CMYA5: variants seen among roughly 807,000 people sequenced by gnomAD.
The protein encoded by CMYA5 is cardiomyopathy associated 5, also known as cardiomyopathy-associated protein 5.
CMYA5 carries 246 observed loss-of-function variants against 318.9 expected under a neutral mutation model. That is an observed-to-expected ratio of 0.77 (90% CI 0.70 to 0.86). The LOEUF (loss-of-function observed/expected upper bound fraction) is 0.86, where lower values mean the gene tolerates loss of function less well. Ranked by LOEUF, CMYA5 falls within the 40% of genes least tolerant of loss-of-function variation. The pLI is 0.00. For synonymous variants in CMYA5, 1,641 were observed against 1,729.5 expected (o/e 0.95, Z 1.27); for missense variants, 4,589 against 4,678.2 (o/e 0.98, Z 0.56).
chr5:79,785,054 C>G (rs964640415), intron 9 of CMYA5, among the ~76,000 whole-genome samples: 147 of 151,284 alleles, frequency 9.7e-4, no homozygotes, highest in Admixed American at 2.0e-3. Context: ...TCTAGCTGTC[C>G]CATCAGGAAA....
intron 9 of CMYA5, among the ~76,000 whole-genome samples, chr5:79,765,820 G>A (rs1441692312): frequency 3.3e-5 from 5 of 152,162 alleles, no homozygotes; most frequent in African/African-American, 1.2e-4. Context: ...GAATGCTTGT[G>A]ATTTTTGCAC....
In CMYA5 at chr5:79,734,037, CCAGCCGACTTTAAAAAGGGAGGAAAT is replaced by C. The variant is rs1173944696; in HGVS notation, c.5275_5300del (p.Ala1759ArgfsTer22). The stretch of plus-strand genomic sequence containing the variant: ...AGGATTATCAGAGGAGGTTAGCCAT[CCAGCCGACTTTAAAAAGGGAGGAAAT>C]CAAGAAATAGGCCCATTACCACCAA... On this transcript the variant is annotated frameshift_variant, in exon 2 of 13. Transcript: ENST00000446378. LOFTEE classifies it high-confidence loss of function. The C allele has an allele frequency of 6.2e-7, 1 of 1,613,652 alleles. No individual in the cohort carries two copies. The highest frequency in any genetic ancestry group is 8.5e-7 in the Non-Finnish European group (1 of 1,179,846).
chr5:79,759,823 G>GA (rs373613025), intron 7 of CMYA5, among the ~76,000 whole-genome samples: 12 of 152,252 alleles, frequency 7.9e-5, no homozygotes, highest in African/African-American at 2.9e-4. Context: ...AATTAATTTA[G>GA]AAAAAAGTTT....
chr5:79,707,180 C>T (rs188641043), intron 1 of CMYA5, among the ~76,000 whole-genome samples: 53 of 152,284 alleles, frequency 3.5e-4, no homozygotes, highest in African/African-American at 1.2e-3. Flanking sequence ...TAAAGCCCCA[C>T]TGCAAGAATT....
In CMYA5 at chr5:79,739,603, C is replaced by A. The variant is rs565665506; in HGVS notation, c.10638+200C>A. Among the ~76,000 whole-genome samples, 157 of 152,202 alleles carry A rather than the reference C, an allele frequency of 1.0e-3. 1 individual carries two copies. The highest frequency in any genetic ancestry group is 3.7e-3 in the African/African-American group (153 of 41,536). Reference sequence around the variant, plus strand: ...ACATTCATTGAGTACAGCCCACCCTCCTTATCCTTGAGTTCTGCATGCTTA... The same window carrying A: ...ACATTCATTGAGTACAGCCCACCCTACTTATCCTTGAGTTCTGCATGCTTA... On this transcript the variant is annotated intron_variant, in intron 2 of 12. Coordinates refer to ENST00000446378, the MANE Select transcript of CMYA5 (RefSeq NM_153610.5).
intron 1 of CMYA5, among the ~76,000 whole-genome samples, chr5:79,695,426 A>C (rs1320170977): frequency 6.6e-6 from 1 of 152,266 alleles, no homozygotes; most frequent in Non-Finnish European, 1.5e-5. Flanking sequence ...TATTAGAGAT[A>C]TCTTACATTA....
rs150027467 is a variant in CMYA5, at chr5:79,737,392, C to A, written c.8627C>A (p.Ala2876Glu). ...GTTTCAAAGCACCACTTGGAGGCTG[C>A]GGAAGATACCCGTGTAAAGGAACCA... ...VLVSKHHLEA[A>E]EDTRVKEPLS... The change falls in exon 2 of 13, where the codon GCG becomes GAG. Residue 2876 changes from alanine to glutamate, a missense_variant. Around this residue, in one of 3 missense-constraint regions of CMYA5, gnomAD observed 2,431 missense variants for 2,495.1 expected, o/e 0.97. Transcript: ENST00000446378. 4.3e-6 allele frequency: 7 copies of A among 1,613,692 alleles called. No homozygotes were observed. The Admixed American group carries it at 8.3e-5, about 19-fold the overall frequency.
chr5:79,718,496 A>C (rs1561200612), intron 1 of CMYA5, among the ~76,000 whole-genome samples: 3 of 152,180 alleles, frequency 2.0e-5, no homozygotes, highest in Non-Finnish European at 4.4e-5. Context: ...TTCATGAGAA[A>C]GATATCCGAC....
At position 79,731,215 on chromosome 5, in the gene CMYA5, A is replaced by T; in HGVS notation, c.2450A>T (p.Asn817Ile). ...CAGGAATCTCAAAAGAAAATAATCA[A>T]TGAGGCATCCCAATTCAAACCAAAA... is the stretch of plus-strand genomic sequence containing the variant. ...ATQESQKKII[N>I]EASQFKPKGI... The change falls in exon 2 of 13, where the codon AAT becomes ATT. Residue 817 changes from asparagine (N) to isoleucine (I), a missense_variant. Physicochemically the swap from Asn to Ile is moderately radical, Grantham distance 149 (BLOSUM62 -3). Transcript: ENST00000446378. 1 of 1,614,022 alleles carries T rather than the reference A, an allele frequency of 6.2e-7. No homozygotes were observed. The highest frequency in any genetic ancestry group is 8.5e-7 in the Non-Finnish European group (1 of 1,179,886).
intron 5 of CMYA5, among the ~76,000 whole-genome samples, chr5:79,747,766 G>A (rs953080935): frequency 2.0e-5 from 3 of 152,068 alleles, no homozygotes; most frequent in Non-Finnish European, 2.9e-5. Context: ...GATCTGACAC[G>A]TTCTTCCTTT....
In CMYA5 at chr5:79,737,763, T is replaced by C. The variant is rs748452754; in HGVS notation, c.8998T>C (p.Cys3000Arg). The C allele has an allele frequency of 1.9e-6, 3 of 1,611,326 alleles. No homozygotes were observed. The highest frequency in any genetic ancestry group is 2.5e-6 in the Non-Finnish European group (3 of 1,179,306). Residue 3000 changes from cysteine (C) to arginine (R), a missense_variant, in exon 2 of 13, where the codon TGT becomes CGT. Cys to Arg is a radical substitution (Grantham distance 180). Coordinates refer to ENST00000446378, the MANE Select transcript of CMYA5 (RefSeq NM_153610.5). The stretch of plus-strand genomic sequence containing the variant: ...CCCTGATGATAGTGAAACAGTTGCT[T>C]GTCATAAAACATTAAAGAGCAGGTT... Reference protein sequence around the residue: ...PLPDDSETVACHKTLKSRLED... With the variant: ...PLPDDSETVARHKTLKSRLED...
At position 79,791,036 on chromosome 5, in the gene CMYA5, T is replaced by C. The variant is rs1229518064; in HGVS notation, c.11756T>C (p.Val3919Ala). ...CTACACATTTCCTCAAGTGGGACAG[T>C]GATCAGCTTTGGTGAGAGGAGACGG... ...PALHISSSGT[V>A]ISFGERRRLT... Residue 3919 changes from valine to alanine, a missense_variant, in exon 11 of 13, where the codon GTG becomes GCG. Around this residue, in one of 3 missense-constraint regions of CMYA5, gnomAD observed 2,431 missense variants for 2,495.1 expected, o/e 0.97. Coordinates refer to ENST00000446378, the MANE Select transcript of CMYA5 (RefSeq NM_153610.5). 6.2e-7 allele frequency: 1 copy of C among 1,613,664 alleles called. No individual in the cohort carries two copies. The highest frequency in any genetic ancestry group is 1.3e-5 in the African/African-American group (1 of 74,916).
intron 7 of CMYA5, 22 bp downstream of exon 7, chr5:79,758,924 C>G: frequency 6.5e-7 from 1 of 1,539,680 alleles, no homozygotes; most frequent in East Asian, 2.4e-5. Context: ...AACACAAATA[C>G]AAATGCATAT....
chr5:79,751,802 AG>A (rs59574205), intron 5 of CMYA5, among the ~76,000 whole-genome samples: 9,735 of 152,272 alleles, frequency 0.064, 470 homozygotes, highest in East Asian at 0.28. Flanking sequence ...AACAAAGCCT[AG>A]TGAAGAATGG....
In CMYA5 at chr5:79,737,448, T is replaced by TACA; in HGVS notation, c.8683_8684insACA (p.Phe2895delinsTyrIle). The TACA allele has an allele frequency of 1.2e-6, 2 of 1,613,854 alleles. No homozygotes were observed. The highest frequency in any genetic ancestry group is 8.5e-7 in the Non-Finnish European group (1 of 1,179,816). On this transcript the variant is annotated protein_altering_variant, in exon 2 of 13. Transcript: ENST00000446378. Reference sequence around the variant, plus strand: ...TTCAGCAAAAAGCAACTATGCTCAATTTATATCTAATACATCAGCAAGCAA... The same window carrying TACA: ...TTCAGCAAAAAGCAACTATGCTCAATACATTATATCTAATACATCAGCAAGCAA...
Position 79,719,628 on chromosome 5 carries a change from C to T in CMYA5, c.150-9287C>T, listed in dbSNP as rs1827583030. Among the ~76,000 whole-genome samples, 7 of 152,306 alleles carry T rather than the reference C, an allele frequency of 4.6e-5. 1 individual carries two copies. The highest frequency in any genetic ancestry group is 3.4e-3 in the Middle Eastern group (1 of 294). ...GCTCCATTCATAAATTATCTCATTTCCTTCCTACCGTGCAAAGGGACATGA... is the reference window on the plus strand; with the variant it reads ...GCTCCATTCATAAATTATCTCATTTTCTTCCTACCGTGCAAAGGGACATGA... On this transcript the variant is annotated intron_variant, in intron 1 of 12. Coordinates refer to ENST00000446378, the MANE Select transcript of CMYA5 (RefSeq NM_153610.5).
At chr5:79,789,986 T>C (rs1004132007) in intron 10 of CMYA5, among the ~76,000 whole-genome samples, 3 of 152,210 alleles carry the variant, frequency 2.0e-5, no homozygotes, top group Non-Finnish European at 2.9e-5. Flanking sequence ...AAAATGTTTG[T>C]CTCTGCAATT....
chr5:79,698,434 T>C (rs1053481582), intron 1 of CMYA5, among the ~76,000 whole-genome samples: 1 of 152,198 alleles, frequency 6.6e-6, no homozygotes, highest in Non-Finnish European at 1.5e-5. Flanking sequence ...TTACCACAGC[T>C]TTCCCACTTT....
intron 10 of CMYA5, among the ~76,000 whole-genome samples, chr5:79,789,711 C>T (rs931916021): frequency 6.6e-6 from 1 of 152,148 alleles, no homozygotes; most frequent in Non-Finnish European, 1.5e-5. Context: ...AGGTGTGAGC[C>T]ACCATGCCTG....
Sources: allele counts gnomAD v4.1 joint callset (sites outside exome capture counted in the v4.1 genomes callset), GRCh38; gene constraint gnomAD v4.1.1; regional missense constraint gnomAD v4.1.1; transcripts MANE v1.5; gene names NCBI Gene and HGNC (gene_info 2026-07-23, HGNC 2026-07-21).